TXNDC15: variants seen among roughly 807,000 people sequenced by gnomAD.
The protein encoded by TXNDC15 is thioredoxin domain containing 15, also known as thioredoxin domain-containing protein 15.
A neutral mutation model predicts 35.0 loss-of-function variants in TXNDC15; 24 were observed. The ratio of observed to expected loss-of-function variants is 0.68; its 90% CI spans 0.50 to 0.96. The LOEUF (loss-of-function observed/expected upper bound fraction) is 0.96, where lower values mean the gene tolerates loss of function less well. Among genes scored for constraint, TXNDC15 ranks in the 40% least tolerant of loss-of-function variants. The pLI, the probability that TXNDC15 is intolerant of heterozygous loss-of-function variation, is 0.00. For synonymous variants in TXNDC15, 169 were observed against 174.0 expected (o/e 0.97, Z 0.23); for missense variants, 385 against 453.3 (o/e 0.85, Z 1.37).
intron 3 of TXNDC15, among the ~76,000 whole-genome samples, chr5:134,895,180 C>CA (rs1327921647): frequency 0.027 from 3,635 of 136,272 alleles, 68 homozygotes; most frequent in African/African-American, 0.061. Context: ...GACCCTGTCT[C>CA]AAAAAAAAAA....
chr5:134,887,897 G>A lies in TXNDC15; in HGVS notation c.306G>A (p.Glu102=), dbSNP rs761031823. The change falls in exon 2 of 5, where the codon GAG becomes GAA. Residue 102 remains glutamate (E), a synonymous_variant. Coordinates refer to ENST00000358387, the MANE Select transcript of TXNDC15 (RefSeq NM_024715.4). ...TGTCTGTGATTCCTGGGGAAGCTGA[G>A]GACAAAGTGAGTTCAGAGCCTAGCG... The part of the protein sequence containing the change: ...VMLSVIPGEA[E]DKVSSEPSGV... 3.1e-6 allele frequency: 5 copies of A among 1,614,234 alleles called. No homozygotes were observed. The Admixed American group carries it at 6.7e-5, about 22-fold the overall frequency.
chr5:134,895,197 T>C (rs940932862), intron 3 of TXNDC15, among the ~76,000 whole-genome samples: 4 of 152,158 alleles, frequency 2.6e-5, no homozygotes, highest in Non-Finnish European at 5.9e-5. Flanking sequence ...AAAAAAATTG[T>C]ATTCCACTGA....
intron 4 of TXNDC15, among the ~76,000 whole-genome samples, chr5:134,899,169 A>G (rs556197349): frequency 1.3e-5 from 2 of 152,302 alleles, no homozygotes; most frequent in Admixed American, 1.3e-4. Context: ...TTACTTACTG[A>G]ACTTTGGTCT....
At chr5:134,882,624 G>A (rs925384801) in intron 1 of TXNDC15, among the ~76,000 whole-genome samples, 2 of 152,358 alleles carry the variant, frequency 1.3e-5, no homozygotes, top group South Asian at 2.1e-4. Flanking sequence ...GATCACTCGC[G>A]GTTAGGAGCT....
Position 134,895,634 on chromosome 5 carries a change from T to C in TXNDC15, c.756-660T>C, listed in dbSNP as rs1750474762. On this transcript the variant is annotated intron_variant, in intron 3 of 4. Transcript: ENST00000358387. ...ATCCTGGTTATACACTATTACTATT[T>C]TACTAATGCGGAAAATTGAGGCTTA... Among the ~76,000 whole-genome samples, 3 of 152,210 alleles carry C rather than the reference T, an allele frequency of 2.0e-5. 1 individual carries two copies. The highest frequency in any genetic ancestry group is 2.0e-4 in the Admixed American group (3 of 15,266).
rs753508103 is a variant in TXNDC15, at chr5:134,893,476, G to A, written c.592-16G>A. The A allele has an allele frequency of 1.2e-6, 2 of 1,613,530 alleles. No homozygotes were observed. The highest frequency in any genetic ancestry group is 1.1e-5 in the South Asian group (1 of 91,066). ...ACTTTTACTGCTAACTTTAATGCTT[G>A]TTTCTTTTACCACAGGACCTTATGG... On this transcript the variant is annotated splice_polypyrimidine_tract_variant and intron_variant, in intron 2 of 4. Transcript: ENST00000358387.
At chr5:134,896,792 C>T (rs545990948) in intron 4 of TXNDC15, among the ~76,000 whole-genome samples, 4 of 151,268 alleles carry the variant, frequency 2.6e-5, no homozygotes, top group East Asian at 2.0e-4. Flanking sequence ...TACAGGCGCC[C>T]GCCACCATAC....
intron 1 of TXNDC15, among the ~76,000 whole-genome samples, chr5:134,882,786 A>G (rs925071697): frequency 2.2e-4 from 33 of 152,234 alleles, no homozygotes; most frequent in African/African-American, 7.5e-4. Context: ...CCGAGATGGC[A>G]GCAGTACAGT....
chr5:134,885,841 A>T (rs929793929), intron 1 of TXNDC15, among the ~76,000 whole-genome samples: 1 of 150,578 alleles, frequency 6.6e-6, no homozygotes, highest in African/African-American at 2.5e-5. Context: ...GTTGTTTTAT[A>T]TATATTATCT....
intron 1 of TXNDC15, among the ~76,000 whole-genome samples, chr5:134,882,261 C>T (rs563931849): frequency 1.9e-4 from 29 of 151,326 alleles, no homozygotes; most frequent in Admixed American, 1.4e-3. Flanking sequence ...CGGGCAGAGA[C>T]GCTCCTCACT....
rs757903042 is a variant in TXNDC15, at chr5:134,893,561, C to T, written c.661C>T (p.Arg221Cys). ...TLVLFYTPWCRFSASLAPHFN... is the reference protein window; with the variant it reads ...TLVLFYTPWCCFSASLAPHFN... ...AGTCCTGTTTTACACCCCGTGGTGC[C>T]GCTTTTCTGCCAGTTTGGCCCCTCA... The change falls in exon 3 of 5, where the codon CGC (arginine) becomes TGC (cysteine). Residue 221 changes from arginine (R) to cysteine (C), a missense_variant. Physicochemically the swap from Arg to Cys is radical, Grantham distance 180. Coordinates refer to ENST00000358387, the MANE Select transcript of TXNDC15 (RefSeq NM_024715.4). 29 of 1,614,096 alleles carry T rather than the reference C, an allele frequency of 1.8e-5. No individual in the cohort carries two copies. The highest frequency in any genetic ancestry group is 1.6e-4 in the Middle Eastern group (1 of 6,084).
chr5:134,884,266 G>A (rs1036175734), intron 1 of TXNDC15, among the ~76,000 whole-genome samples: 29 of 141,860 alleles, frequency 2.0e-4, no homozygotes, highest in African/African-American at 7.3e-4. Context: ...TTTTTTTCCC[G>A]AGACAGAGTT....
intron 3 of TXNDC15, among the ~76,000 whole-genome samples, chr5:134,895,751 C>T (rs1750477270): frequency 6.6e-6 from 1 of 152,164 alleles, no homozygotes; most frequent in South Asian, 2.1e-4. Flanking sequence ...AGCTTATCAC[C>T]ACTAGTCTGT....
intron 4 of TXNDC15, 90 bp downstream of exon 4, chr5:134,896,514 T>G (rs1226320742): frequency 6.6e-7 from 1 of 1,526,022 alleles, no homozygotes; most frequent in East Asian, 2.3e-5. Context: ...AATCCTTAAG[T>G]GAAGGATTCA....
intron 2 of TXNDC15, chr5:134,892,941 C>T (rs1297097958): frequency 6.5e-6 from 1 of 153,234 alleles, no homozygotes; most frequent in Non-Finnish European, 1.5e-5. Flanking sequence ...ACAATAGTAA[C>T]ATCAAAGATA....
intron 2 of TXNDC15, among the ~76,000 whole-genome samples, chr5:134,890,760 G>T (rs1340379369): frequency 4.6e-5 from 7 of 152,282 alleles, no homozygotes; most frequent in African/African-American, 1.7e-4. Flanking sequence ...TCTGTAGCAT[G>T]CAATGCTGTT....
At chr5:134,881,839 G>T (rs546730378) in intron 1 of TXNDC15, among the ~76,000 whole-genome samples, 6 of 150,556 alleles carry the variant, frequency 4.0e-5, no homozygotes, top group African/African-American at 1.5e-4. Flanking sequence ...TCTCCCTCCC[G>T]GACGGGGCGG....
chr5:134,875,065 G>C, intron 1 of TXNDC15: 1 of 445,522 alleles, frequency 2.2e-6, no homozygotes, highest in Non-Finnish European at 4.5e-6. Flanking sequence ...TCTCTCTGAC[G>C]CCAAAGCCCA....
chr5:134,886,844 T>C (rs553407738), intron 1 of TXNDC15, among the ~76,000 whole-genome samples: 1 of 152,372 alleles, frequency 6.6e-6, no homozygotes, highest in East Asian at 1.9e-4. Context: ...TGCTGCTTAC[T>C]ATCTGTGTAC....
Sources: gnomAD v4.1 joint callset for allele counts (sites outside exome capture counted in the v4.1 genomes callset) on GRCh38, gnomAD v4.1.1 for gene constraint, MANE v1.5 for transcripts, NCBI Gene and HGNC (gene_info 2026-07-23, HGNC 2026-07-21) for gene names.